COMMD1: variants seen among roughly 807,000 people sequenced by gnomAD.
The protein encoded by COMMD1 is COMM domain-containing protein 1.
Under a neutral mutation model 17.2 loss-of-function variants are expected in COMMD1, and 10 were observed. The observed-to-expected ratio is 0.58, with a 90% CI of 0.36 to 0.99. COMMD1 has a LOEUF of 0.99. COMMD1 is among the 50% of genes least tolerant of loss of function. The pLI, the probability that COMMD1 is intolerant of heterozygous loss-of-function variation, is 0.01. For missense variants in COMMD1, 270 were observed against 231.8 expected (o/e 1.17, Z -1.07); for synonymous variants, 97 against 91.6 (o/e 1.06, Z -0.34).
intron 1 of COMMD1, among the ~76,000 whole-genome samples, chr2:61,897,582 T>C (rs1669575028): frequency 6.6e-6 from 1 of 152,124 alleles, no homozygotes; most frequent in Non-Finnish European, 1.5e-5. Flanking sequence ...ATCCCGTCTG[T>C]ACTAAAAATA....
At chr2:61,896,334 C>A (rs1669547898) in intron 1 of COMMD1, among the ~76,000 whole-genome samples, 1 of 152,092 alleles carries the variant, frequency 6.6e-6, no homozygotes, top group Admixed American at 6.6e-5. Context: ...GCCTGTAATC[C>A]CAGCACTTTG....
At chr2:62,114,883 G>A (rs1672546294) in intron 2 of COMMD1, among the ~76,000 whole-genome samples, 1 of 152,224 alleles carries the variant, frequency 6.6e-6, no homozygotes, top group Non-Finnish European at 1.5e-5. Flanking sequence ...CAGATTTCAG[G>A]CTGGCAGCGA....
At position 62,012,777 on chromosome 2, in the gene COMMD1, G is replaced by C. The variant is rs574580863; in HGVS notation, c.462+11795G>C. Among the ~76,000 whole-genome samples, 12 of 152,282 alleles carry C rather than the reference G, an allele frequency of 7.9e-5. No individual in the cohort carries two copies. The East Asian group carries it at 2.3e-3, about 29-fold the overall frequency. On this transcript the variant is annotated intron_variant, in intron 2 of 2. Transcript: ENST00000311832. ...TATAAGCAAAAGGAAGATTCACTTA[G>C]CTAGTGATTCAAAGCATCACTATAT...
At chr2:62,050,553 T>C (rs1300815554) in intron 2 of COMMD1, among the ~76,000 whole-genome samples, 6 of 152,228 alleles carry the variant, frequency 3.9e-5, no homozygotes, top group African/African-American at 1.4e-4. Flanking sequence ...TTGTCTTCTC[T>C]GCTACTATGT....
At chr2:61,963,561 C>T (rs1287879466) in intron 1 of COMMD1, among the ~76,000 whole-genome samples, 2 of 152,112 alleles carry the variant, frequency 1.3e-5, no homozygotes, top group Non-Finnish European at 2.9e-5. Flanking sequence ...TCAGGCTGGT[C>T]TTGAACTCCT....
At chr2:62,112,723 AT>A (rs1423302151) in intron 2 of COMMD1, among the ~76,000 whole-genome samples, 2 of 152,156 alleles carry the variant, frequency 1.3e-5, no homozygotes, top group South Asian at 2.1e-4. Context: ...CAAAAAATTA[AT>A]TTTTTTCCCC....
intron 2 of COMMD1, among the ~76,000 whole-genome samples, chr2:62,014,617 A>C (rs939601916): frequency 2.4e-5 from 3 of 123,592 alleles, no homozygotes; most frequent in African/African-American, 3.3e-5. Context: ...GCTGGAATGC[A>C]GTGGTGCAAT....
intron 1 of COMMD1, among the ~76,000 whole-genome samples, chr2:61,956,651 C>T (rs541678808): frequency 4.0e-5 from 6 of 151,460 alleles, no homozygotes; most frequent in East Asian, 3.9e-4. Flanking sequence ...CCTCGTGATC[C>T]GTCCATCTTG....
intron 2 of COMMD1, among the ~76,000 whole-genome samples, chr2:62,051,691 T>C (rs921227414): frequency 1.5e-4 from 23 of 152,354 alleles, no homozygotes; most frequent in African/African-American, 5.5e-4. Flanking sequence ...ATTTTTAAGT[T>C]TCCTATAGTT....
At chr2:62,030,511 C>T (rs1409886912) in intron 2 of COMMD1, among the ~76,000 whole-genome samples, 2 of 152,170 alleles carry the variant, frequency 1.3e-5, no homozygotes, top group African/African-American at 2.4e-5. Context: ...ATTGTGACAA[C>T]CAAAAGTGTT....
At chr2:61,969,776 A>G (rs185959190) in intron 1 of COMMD1, among the ~76,000 whole-genome samples, 3 of 152,140 alleles carry the variant, frequency 2.0e-5, no homozygotes, top group Non-Finnish European at 4.4e-5. Flanking sequence ...GCAAATATTT[A>G]TGTCTCAGGT....
intron 1 of COMMD1, among the ~76,000 whole-genome samples, chr2:61,982,231 G>A (rs1671974053): frequency 1.3e-5 from 2 of 152,092 alleles, no homozygotes; most frequent in African/African-American, 4.8e-5. Context: ...TAATTCCTAG[G>A]TATTTAATTT....
intron 2 of COMMD1, among the ~76,000 whole-genome samples, chr2:62,037,072 T>G (rs940794778): frequency 2.6e-5 from 4 of 152,208 alleles, no homozygotes; most frequent in Admixed American, 2.0e-4. Context: ...TGTATGCTCT[T>G]TACCATTTGC....
chr2:62,115,439 A>C (rs1672565248), intron 2 of COMMD1, among the ~76,000 whole-genome samples: 1 of 152,246 alleles, frequency 6.6e-6, no homozygotes, highest in African/African-American at 2.4e-5. Context: ...TAGGCCTTGA[A>C]AGATACATGA....
At chr2:62,122,435 CTTTCT>C (rs897958111) in intron 2 of COMMD1, among the ~76,000 whole-genome samples, 4 of 125,614 alleles carry the variant, frequency 3.2e-5, no homozygotes, top group African/African-American at 9.5e-5. Context: ...CTCTAAGTTT[CTTTCT>C]TTTCTTTTTT....
chr2:61,999,841 G>A (rs1668874400), intron 1 of COMMD1, among the ~76,000 whole-genome samples: 2 of 152,028 alleles, frequency 1.3e-5, no homozygotes, highest in Admixed American at 1.3e-4. Flanking sequence ...ATTTTTAACA[G>A]TAGCTTTTCT....
chr2:62,129,116 T>A (rs994060270), intron 2 of COMMD1, among the ~76,000 whole-genome samples: 3 of 152,220 alleles, frequency 2.0e-5, no homozygotes. Context: ...GGTGATTCTA[T>A]GCTTCGGCAG....
intron 2 of COMMD1, among the ~76,000 whole-genome samples, chr2:62,012,395 C>T (rs1002731694): frequency 1.5e-4 from 22 of 150,798 alleles, no homozygotes; most frequent in Non-Finnish European, 2.5e-4. Flanking sequence ...TGGCTCTCAC[C>T]GCAATCTCTG....
intron 1 of COMMD1, among the ~76,000 whole-genome samples, chr2:61,992,094 A>G (rs552797032): frequency 1.3e-5 from 2 of 152,260 alleles, no homozygotes; most frequent in African/African-American, 2.4e-5. Context: ...ATTAGAACAC[A>G]TAATGAATTA....
Sources: gnomAD v4.1 joint callset for allele counts (sites outside exome capture counted in the v4.1 genomes callset) on GRCh38, gnomAD v4.1.1 for gene constraint, MANE v1.5 for transcripts, NCBI Gene and HGNC (gene_info 2026-07-23, HGNC 2026-07-21) for gene names.